SLC7A14: variants seen among roughly 807,000 people sequenced by gnomAD.
The protein encoded by SLC7A14 is solute carrier family 7 member 14, also known as gamma-aminobutyric acid transporter SLC7A14.
A neutral mutation model predicts 60.2 loss-of-function variants in SLC7A14; 37 were observed. The observed-to-expected ratio is 0.61, with a 90% confidence interval of 0.47 to 0.81. The LOEUF (loss-of-function observed/expected upper bound fraction) is 0.81. SLC7A14 is among the 30% of genes least tolerant of loss of function. The probability of loss-of-function intolerance (pLI) is 0.00; values close to 1 mark genes in which losing one functional copy is unlikely to be tolerated. For missense variants in SLC7A14, 886 were observed against 982.7 expected, an observed-to-expected ratio of 0.90 and a Z score of 1.32; for synonymous variants, 399 against 395.8, an observed-to-expected ratio of 1.01 and a Z score of -0.10.
At chr3:170,482,643 G>A (rs1711871204) in intron 6 of SLC7A14, among the ~76,000 whole-genome samples, 1 of 152,240 alleles carries the variant, frequency 6.6e-6, no homozygotes, top group African/African-American at 2.4e-5. Context: ...ATATATTGGT[G>A]TGGTTAAAAG....
chr3:170,567,434 G>A (rs1377235479), intron 1 of SLC7A14, among the ~76,000 whole-genome samples: 5 of 151,212 alleles, frequency 3.3e-5, no homozygotes, highest in East Asian at 1.9e-4. Context: ...TTGGTTCCAA[G>A]TCTTTGCTAT....
chr3:170,576,703 T>C (rs116806035), intron 1 of SLC7A14, among the ~76,000 whole-genome samples: 1,905 of 152,254 alleles, frequency 0.013, 43 homozygotes, highest in African/African-American at 0.044. Flanking sequence ...GAGCGGTATT[T>C]TTCAGTGGGG....
intron 2 of SLC7A14, among the ~76,000 whole-genome samples, chr3:170,504,670 T>G (rs1212510327): frequency 6.6e-6 from 1 of 152,168 alleles, no homozygotes; most frequent in South Asian, 2.1e-4. Context: ...TACTGAGTGT[T>G]GAGGGGCAAG....
intron 1 of SLC7A14, among the ~76,000 whole-genome samples, chr3:170,541,841 G>T (rs1360558621): frequency 6.6e-6 from 1 of 152,158 alleles, no homozygotes; most frequent in Non-Finnish European, 1.5e-5. Context: ...TATCTTTTCT[G>T]TGGTCAGGAT....
intron 1 of SLC7A14, among the ~76,000 whole-genome samples, chr3:170,569,281 G>T (rs570562432): frequency 6.6e-6 from 1 of 151,912 alleles, no homozygotes; most frequent in Admixed American, 6.6e-5. Context: ...TGTGGTTTTT[G>T]TCTTTGGTTC....
At chr3:170,513,596 C>T (rs926519819) in intron 2 of SLC7A14, among the ~76,000 whole-genome samples, 7 of 152,086 alleles carry the variant, frequency 4.6e-5, no homozygotes, top group Admixed American at 1.3e-4. Context: ...ATGAGAGTGA[C>T]GAGTGGTGAA....
chr3:170,548,637 C>T (rs1339775231), intron 1 of SLC7A14, among the ~76,000 whole-genome samples: 1 of 152,218 alleles, frequency 6.6e-6, no homozygotes, highest in Non-Finnish European at 1.5e-5. Flanking sequence ...TGCAGCTCCT[C>T]AGGCTCTTTC....
chr3:170,489,965 G>C (rs144302075), intron 4 of SLC7A14, among the ~76,000 whole-genome samples: 1 of 152,004 alleles, frequency 6.6e-6, no homozygotes, highest in Non-Finnish European at 1.5e-5. Context: ...GGGGCTGGAC[G>C]GGGGGAGGTG....
chr3:170,467,147 G>A lies in SLC7A14; in HGVS notation c.2224C>T (p.Arg742Trp), dbSNP rs151318739. Reference sequence around the variant, plus strand: ...TTGCTCTTCGCTTTGCTACTTGTCCGGCCGTTTGCCTTCGCATCTGACATC... The same window carrying A: ...TTGCTCTTCGCTTTGCTACTTGTCCAGCCGTTTGCCTTCGCATCTGACATC... ...QQMSDAKANG[R>W]TSSKAKSKSK... The change falls in exon 8 of 8, where the codon CGG becomes TGG. Residue 742 changes from arginine to tryptophan, a missense_variant. By Grantham distance (101) the Arg-to-Trp change is moderately radical. Coordinates refer to ENST00000231706, the MANE Select transcript of SLC7A14 (RefSeq NM_020949.3). The A allele has an allele frequency of 1.7e-5, 28 of 1,614,162 alleles. No individual in the cohort carries two copies. Among genetic ancestry groups the A allele is most frequent in the East Asian group, 4.5e-5 (2 of 44,872 alleles).
chr3:170,501,276 A>G lies in SLC7A14; in HGVS notation c.374T>C (p.Val125Ala). Residue 125 changes from valine (V) to alanine (A), a missense_variant, in exon 3 of 8, where the codon GTC becomes GCC. Physicochemically the swap from Val to Ala is moderately conservative, Grantham distance 64. Coordinates refer to ENST00000231706, the MANE Select transcript of SLC7A14 (RefSeq NM_020949.3). Reference protein sequence around the residue: ...TTGSAYTYSYVTVGEFVAFFI... With the variant: ...TTGSAYTYSYATVGEFVAFFI... ...AAATGCCACAAATTCCCCAACAGTG[A>G]CATAGCTGTAGGTGTAGGCAGATCC... 6.2e-7 allele frequency: 1 copy of G among 1,614,222 alleles called. No individual in the cohort carries two copies. The highest frequency in any genetic ancestry group is 8.5e-7 in the Non-Finnish European group (1 of 1,180,038).
intron 1 of SLC7A14, among the ~76,000 whole-genome samples, chr3:170,530,921 GT>G (rs1193078536): frequency 9.8e-5 from 15 of 152,342 alleles, no homozygotes; most frequent in South Asian, 4.1e-4. Flanking sequence ...GTAAATGCAG[GT>G]GGGCTTCATG....
Position 170,502,637 on chromosome 3 carries a change from G to A in SLC7A14, c.305-1292C>T, listed in dbSNP as rs149417913. On this transcript the variant is annotated intron_variant, in intron 2 of 7. Transcript: ENST00000231706. The stretch of plus-strand genomic sequence containing the variant: ...AATTTTGTTAAGGGCCAACCCTGAA[G>A]TTCTCTCATCACAAACCAGGGAACA... Among the ~76,000 whole-genome samples, 9 of 152,308 alleles carry A rather than the reference G, an allele frequency of 5.9e-5. No individual in the cohort carries two copies. The East Asian group carries it at 1.4e-3, about 23-fold the overall frequency.
chr3:170,582,074 T>C (rs1359997756), intron 1 of SLC7A14, among the ~76,000 whole-genome samples: 2 of 152,182 alleles, frequency 1.3e-5, no homozygotes, highest in Admixed American at 1.3e-4. Flanking sequence ...ATAGAATTCA[T>C]ATGAAGCAAA....
chr3:170,467,257 T>A lies in SLC7A14; in HGVS notation c.2114A>T (p.Glu705Val). 6.2e-7 allele frequency: 1 copy of A among 1,614,116 alleles called. No individual in the cohort carries two copies. ...CTCTGTGGCGTAGGAGAAACCCTCC[T>A]CCACTGAGAAGGGGTCATCCACGTC... ...RYDVDDPFSV[E>V]EGFSYATEGE... The change falls in exon 8 of 8, where the codon GAG (glutamate) becomes GTG (valine). Residue 705 changes from glutamate to valine, a missense_variant. Glu to Val is a moderately radical substitution (Grantham distance 121, BLOSUM62 -2). Coordinates refer to ENST00000231706, the MANE Select transcript of SLC7A14 (RefSeq NM_020949.3).
chr3:170,487,225 A>G (rs969715153), intron 4 of SLC7A14, among the ~76,000 whole-genome samples: 4 of 146,666 alleles, frequency 2.7e-5, no homozygotes, highest in African/African-American at 1.0e-4. Context: ...GGAATGTATT[A>G]TATATGTCAA....
chr3:170,579,159 A>AG (rs1337000591), intron 1 of SLC7A14, among the ~76,000 whole-genome samples: 1 of 152,238 alleles, frequency 6.6e-6, no homozygotes, highest in Non-Finnish European at 1.5e-5. Context: ...ATGTTAAAAA[A>AG]TGCAGAGTGG....
intron 4 of SLC7A14, chr3:170,496,637 T>G (rs1712405957): frequency 6.8e-7 from 1 of 1,463,708 alleles, no homozygotes; most frequent in Non-Finnish European, 9.5e-7. Flanking sequence ...AGAGCCCGGC[T>G]GGAGTCTGGG....
At chr3:170,515,976 A>G (rs772998390) in intron 2 of SLC7A14, among the ~76,000 whole-genome samples, 15 of 152,202 alleles carry the variant, frequency 9.9e-5, no homozygotes, top group Non-Finnish European at 2.1e-4. Flanking sequence ...TGCTGGGCCC[A>G]GAGAAGGTGG....
At chr3:170,478,381 A>T (rs933867629) in intron 7 of SLC7A14, among the ~76,000 whole-genome samples, 1 of 152,012 alleles carries the variant, frequency 6.6e-6, no homozygotes, top group Non-Finnish European at 1.5e-5. Context: ...CCCAGCCAAG[A>T]GATTGTAAAT....
Sources: allele counts gnomAD v4.1 joint callset (sites outside exome capture counted in the v4.1 genomes callset), GRCh38; gene constraint gnomAD v4.1.1; transcripts MANE v1.5; gene names NCBI Gene and HGNC (gene_info 2026-07-23, HGNC 2026-07-21).